Variants in ABCA13 observed in about 807,000 individuals in gnomAD.
ABCA13 encodes the protein ATP-binding cassette sub-family A member 13.
A neutral mutation model predicts 478.7 loss-of-function variants in ABCA13; 476 were observed. The ratio of observed to expected loss-of-function variants is 0.99; its 90% CI spans 0.92 to 1.07. The LOEUF is 1.07. Ranked by LOEUF, ABCA13 falls within the 50% of genes least tolerant of loss-of-function variation. ABCA13 has a pLI of 0.00. For synonymous variants in ABCA13, 2,252 were observed against 2,158.9 expected (o/e 1.04, Z -1.20); for missense variants, 6,060 against 5,910.6 (o/e 1.03, Z -0.83).
chr7:48,604,073 T>A (rs1388529008), intron 58 of ABCA13, among the ~76,000 whole-genome samples: 1 of 152,230 alleles, frequency 6.6e-6, no homozygotes, highest in African/African-American at 2.4e-5. Context: ...GGATCAGTGG[T>A]GGTATCCCCT....
intron 45 of ABCA13, among the ~76,000 whole-genome samples, chr7:48,475,857 G>A (rs989103775): frequency 6.6e-6 from 1 of 152,046 alleles, no homozygotes; most frequent in African/African-American, 2.4e-5. Context: ...AACATGATTT[G>A]GAAGCGACAC....
chr7:48,414,418 T>G (rs1394723449), intron 41 of ABCA13, among the ~76,000 whole-genome samples: 9 of 152,104 alleles, frequency 5.9e-5, no homozygotes, highest in Admixed American at 5.2e-4. Context: ...CCAGGACAGT[T>G]ACTGGCACTC....
chr7:48,432,448 G>A (rs1336956065), intron 42 of ABCA13, among the ~76,000 whole-genome samples: 2 of 152,070 alleles, frequency 1.3e-5, no homozygotes, highest in Non-Finnish European at 2.9e-5. Context: ...ACCACCATAT[G>A]ATCAAGGAAT....
At chr7:48,239,518 GA>G in intron 9 of ABCA13, 113 bp downstream of exon 9, 1 of 1,292,106 alleles carries the variant, frequency 7.7e-7, no homozygotes, top group Non-Finnish European at 1.0e-6. Flanking sequence ...TCCCTCCAAG[GA>G]AAGGGCCTTA....
chr7:48,318,562 T>C (rs1480145817), intron 27 of ABCA13, among the ~76,000 whole-genome samples: 4 of 147,288 alleles, frequency 2.7e-5, no homozygotes, highest in African/African-American at 1.0e-4. Context: ...TAAAAAAAAA[T>C]CTTGAAAGTG....
intron 23 of ABCA13, among the ~76,000 whole-genome samples, chr7:48,304,866 C>T (rs1800675863): frequency 1.3e-5 from 2 of 152,198 alleles, no homozygotes; most frequent in Admixed American, 1.3e-4. Context: ...TGCCAAGATG[C>T]TTATCCACAG....
In ABCA13 at chr7:48,275,040, G is replaced by A. The variant is rs188043455; in HGVS notation, c.5374G>A (p.Ala1792Thr). Residue 1792 changes from alanine (A) to threonine (T), a missense_variant, in exon 17 of 62, where the codon GCA becomes ACA. Ala to Thr is a moderately conservative substitution (Grantham distance 58). Coordinates refer to ENST00000435803, the MANE Select transcript of ABCA13 (RefSeq NM_152701.5). ...TTCAAATATCACCAAGGAAGACTTC[G>A]CAATTGTGATAAAAATTCTTTTGGA... Reference protein sequence around the residue: ...TISNITKEDFAIVIKILLDTI... With the variant: ...TISNITKEDFTIVIKILLDTI... 36 of 1,613,652 alleles carry A rather than the reference G, an allele frequency of 2.2e-5. No individual in the cohort carries two copies. The East Asian group carries it at 4.2e-4, about 19-fold the overall frequency.
chr7:48,177,534 C>T (rs771638779), intron 1 of ABCA13, among the ~76,000 whole-genome samples: 5 of 152,180 alleles, frequency 3.3e-5, no homozygotes, highest in Admixed American at 6.5e-5. Flanking sequence ...TCCAGCACTG[C>T]GGGACAAGAT....
At chr7:48,321,668 T>G (rs1803491604) in intron 27 of ABCA13, among the ~76,000 whole-genome samples, 1 of 152,280 alleles carries the variant, frequency 6.6e-6, no homozygotes, top group Admixed American at 6.5e-5. Flanking sequence ...CTTGGGGACC[T>G]GCTATGAGCC....
chr7:48,441,765 C>G (rs1340600492), intron 42 of ABCA13, among the ~76,000 whole-genome samples: 4 of 152,076 alleles, frequency 2.6e-5, no homozygotes, highest in Non-Finnish European at 5.9e-5. Flanking sequence ...ACTTTCATAT[C>G]TCTGTTACTG....
chr7:48,430,964 A>T (rs761801249), intron 42 of ABCA13, among the ~76,000 whole-genome samples: 9 of 152,172 alleles, frequency 5.9e-5, no homozygotes, highest in Non-Finnish European at 1.3e-4. Flanking sequence ...TTTTATAATT[A>T]TAAACATTTA....
intron 27 of ABCA13, among the ~76,000 whole-genome samples, chr7:48,324,426 A>G (rs1803991845): frequency 6.6e-6 from 1 of 152,212 alleles, no homozygotes; most frequent in Non-Finnish European, 1.5e-5. Flanking sequence ...ACATTCTGAA[A>G]TATCGAGGGT....
At chr7:48,343,060 C>T (rs1410918042) in intron 29 of ABCA13, among the ~76,000 whole-genome samples, 1 of 151,018 alleles carries the variant, frequency 6.6e-6, no homozygotes, top group Non-Finnish European at 1.5e-5. Context: ...AGCTTTAATA[C>T]TTGTCTTTTG....
chr7:48,579,076 A>G (rs1012149853), intron 55 of ABCA13, among the ~76,000 whole-genome samples: 1 of 152,216 alleles, frequency 6.6e-6, no homozygotes, highest in Non-Finnish European at 1.5e-5. Context: ...CTTGGATGTG[A>G]CAATGCCTTT....
chr7:48,260,641 A>G (rs916870702), intron 15 of ABCA13, among the ~76,000 whole-genome samples: 14 of 152,092 alleles, frequency 9.2e-5, no homozygotes, highest in African/African-American at 3.4e-4. Context: ...TTAATCACCA[A>G]TTTAACCCAT....
chr7:48,637,015 C>T (rs932420856), intron 59 of ABCA13, among the ~76,000 whole-genome samples: 32 of 152,116 alleles, frequency 2.1e-4, no homozygotes, highest in African/African-American at 6.5e-4. Context: ...TGACTGGAGA[C>T]GATAGAGGTT....
At chr7:48,333,575 C>A (rs541405329) in intron 27 of ABCA13, among the ~76,000 whole-genome samples, 83 of 152,216 alleles carry the variant, frequency 5.5e-4, no homozygotes, top group African/African-American at 1.9e-3. Context: ...ATGTAAAAAT[C>A]TTTTATTTTT....
At chr7:48,438,638 C>G (rs1344463056) in intron 42 of ABCA13, among the ~76,000 whole-genome samples, 1 of 150,830 alleles carries the variant, frequency 6.6e-6, no homozygotes, top group Non-Finnish European at 1.5e-5. Context: ...TTTTTTTTAA[C>G]CTGTTGAGGC....
chr7:48,225,409 A>G (rs2049512), intron 5 of ABCA13, among the ~76,000 whole-genome samples: 29,103 of 152,002 alleles, frequency 0.19, 3,488 homozygotes, highest in East Asian at 0.33. Context: ...CTGAAAAACA[A>G]GGTCATTCTT....
Sources: gnomAD v4.1 joint callset for allele counts (sites outside exome capture counted in the v4.1 genomes callset) on GRCh38, gnomAD v4.1.1 for gene constraint, MANE v1.5 for transcripts, NCBI Gene and HGNC (gene_info 2026-07-23, HGNC 2026-07-21) for gene names.